Variants in TNNI3K observed in about 807,000 individuals in gnomAD.
TNNI3K encodes serine/threonine-protein kinase TNNI3K.
TNNI3K carries 140 observed loss-of-function variants against 114.5 expected under a neutral mutation model. The ratio of observed to expected loss-of-function variants is 1.22; its 90% CI spans 1.07 to 1.41. The LOEUF (loss-of-function observed/expected upper bound fraction) is 1.41. TNNI3K is among the 40% of genes most tolerant of loss of function. The pLI, the probability that TNNI3K is intolerant of heterozygous loss-of-function variation, is 0.00. For missense variants in TNNI3K, 1,125 were observed against 1,007.6 expected, an observed-to-expected ratio of 1.12 and a Z score of -1.58; for synonymous variants, 347 against 347.5, an observed-to-expected ratio of 1.00 and a Z score of 0.02.
chr1:74,366,386 T>C (rs1169681178), intron 11 of TNNI3K, among the ~76,000 whole-genome samples: 7 of 151,990 alleles, frequency 4.6e-5, no homozygotes, highest in Admixed American at 3.9e-4. Context: ...CATTTGGCAT[T>C]TTTTATCCTT....
chr1:74,456,881 T>A (rs911035779), intron 20 of TNNI3K, among the ~76,000 whole-genome samples: 4 of 152,194 alleles, frequency 2.6e-5, no homozygotes, highest in Non-Finnish European at 4.4e-5. Context: ...CAGACTTTTT[T>A]ATGTCACATA....
intron 23 of TNNI3K, among the ~76,000 whole-genome samples, chr1:74,510,312 C>T (rs1413674499): frequency 2.0e-5 from 3 of 152,122 alleles, no homozygotes; most frequent in African/African-American, 7.2e-5. Flanking sequence ...CGAGACCATC[C>T]TGGCTAACAT....
At chr1:74,393,501 G>C (rs1013363597) in intron 17 of TNNI3K, among the ~76,000 whole-genome samples, 1 of 152,124 alleles carries the variant, frequency 6.6e-6, no homozygotes, top group Non-Finnish European at 1.5e-5. Flanking sequence ...ACCACAAAAG[G>C]ACTAGAAATA....
In TNNI3K at chr1:74,369,572, C is replaced by A; in HGVS notation, c.1654C>A (p.His552Asn). 1 of 1,607,998 alleles carries A rather than the reference C, an allele frequency of 6.2e-7. No homozygotes were observed. The highest frequency in any genetic ancestry group is 2.2e-5 in the East Asian group (1 of 44,792). ...ISGGSLFSLL[H>N]EQKRILDLQS... is the part of the protein sequence containing the mutation. ...AGGGGGTTCTCTGTTCTCCCTCCTTCATGAGCAGAAGAGGTATGGGTCTTT... is the reference window on the plus strand; with the variant it reads ...AGGGGGTTCTCTGTTCTCCCTCCTTAATGAGCAGAAGAGGTATGGGTCTTT... Residue 552 changes from histidine to asparagine, a missense_variant, in exon 16 of 25, where the codon CAT becomes AAT. His to Asn is a moderately conservative substitution (Grantham distance 68). Coordinates refer to ENST00000326637, the MANE Select transcript of TNNI3K (RefSeq NM_015978.3).
At chr1:74,246,400 T>C (rs999487399) in intron 2 of TNNI3K, among the ~76,000 whole-genome samples, 1 of 152,158 alleles carries the variant, frequency 6.6e-6, no homozygotes, top group African/African-American at 2.4e-5. Context: ...TCAAGCTAGG[T>C]AGATTGGATT....
chr1:74,466,579 G>A (rs1169888382), intron 21 of TNNI3K, among the ~76,000 whole-genome samples: 2 of 152,162 alleles, frequency 1.3e-5, no homozygotes, highest in Non-Finnish European at 2.9e-5. Context: ...AAGAGGGGAA[G>A]ATGAAGAAAA....
At chr1:74,384,821 A>G (rs1347206482) in intron 17 of TNNI3K, among the ~76,000 whole-genome samples, 1 of 152,092 alleles carries the variant, frequency 6.6e-6, no homozygotes, top group East Asian at 1.9e-4. Flanking sequence ...TTTCATGTTG[A>G]TGTTCAGCTT....
At chr1:74,496,355 T>C (rs1031839561) in intron 23 of TNNI3K, among the ~76,000 whole-genome samples, 1 of 152,180 alleles carries the variant, frequency 6.6e-6, no homozygotes, top group Non-Finnish European at 1.5e-5. Flanking sequence ...TAACTTCTGA[T>C]CTTTGGATTT....
At chr1:74,272,035 T>C (rs1557465305) in intron 5 of TNNI3K, among the ~76,000 whole-genome samples, 1 of 151,946 alleles carries the variant, frequency 6.6e-6, no homozygotes, top group Non-Finnish European at 1.5e-5. Flanking sequence ...ACTTATAAAA[T>C]AGGAATATTA....
rs1667539765 is a variant in TNNI3K, at chr1:74,463,525, T to G, written c.2096T>G (p.Ile699Arg). Residue 699 changes from isoleucine to arginine, a missense_variant, in exon 21 of 25, where the codon ATA becomes AGA. Coordinates refer to ENST00000326637, the MANE Select transcript of TNNI3K (RefSeq NM_015978.3). ...CCCAAGCCCATATCATCTCTGCTGA[T>G]ACGAGGGTGGAACGCATGTCCTGAA... ...SIPKPISSLL[I>R]RGWNACPEGR... 6.2e-7 allele frequency: 1 copy of G among 1,614,250 alleles called. No homozygotes were observed. The highest frequency in any genetic ancestry group is 8.5e-7 in the Non-Finnish European group (1 of 1,180,042).
At chr1:74,264,314 A>C (rs1265858761) in intron 4 of TNNI3K, among the ~76,000 whole-genome samples, 1 of 151,990 alleles carries the variant, frequency 6.6e-6, no homozygotes, top group Non-Finnish European at 1.5e-5. Context: ...AGTTATTTTC[A>C]TACTGATTAA....
intron 20 of TNNI3K, among the ~76,000 whole-genome samples, chr1:74,448,467 C>G (rs1386684077): frequency 6.9e-6 from 1 of 144,978 alleles, no homozygotes; most frequent in African/African-American, 2.7e-5. Context: ...CTTCTCCTGC[C>G]TAATTGCCCT....
At chr1:74,324,382 G>A (rs182656716) in intron 5 of TNNI3K, among the ~76,000 whole-genome samples, 2 of 152,324 alleles carry the variant, frequency 1.3e-5, no homozygotes, top group East Asian at 1.9e-4. Flanking sequence ...GCTGTCAACT[G>A]CAAACAGTAA....
At chr1:74,358,223 G>A (rs1039679271) in intron 11 of TNNI3K, among the ~76,000 whole-genome samples, 6 of 152,042 alleles carry the variant, frequency 3.9e-5, no homozygotes, top group Non-Finnish European at 8.8e-5. Flanking sequence ...GTAATATACA[G>A]AGGCTCCTAT....
At chr1:74,406,277 C>T (rs1362702676) in intron 17 of TNNI3K, among the ~76,000 whole-genome samples, 6 of 152,186 alleles carry the variant, frequency 3.9e-5, no homozygotes, top group Admixed American at 3.9e-4. Context: ...TGTGGCCCAA[C>T]AAAAATGTGT....
intron 6 of TNNI3K, among the ~76,000 whole-genome samples, chr1:74,332,323 C>T (rs1246669037): frequency 6.7e-6 from 1 of 149,454 alleles, no homozygotes; most frequent in African/African-American, 2.5e-5. Flanking sequence ...TTTTGTGAGA[C>T]GGAGTATTGC....
At chr1:74,522,561 T>G (rs1646448208) in intron 23 of TNNI3K, among the ~76,000 whole-genome samples, 1 of 152,104 alleles carries the variant, frequency 6.6e-6, no homozygotes, top group Non-Finnish European at 1.5e-5. Context: ...AAAAGTAGCA[T>G]GAAAAAGAGA....
chr1:74,470,901 G>A (rs1467132788), intron 21 of TNNI3K: 1 of 400,588 alleles, frequency 2.5e-6, no homozygotes, highest in Admixed American at 4.4e-5. Context: ...TCTGTCCCAT[G>A]TGCTCAGTGG....
chr1:74,439,819 G>A (rs112047919), intron 20 of TNNI3K, among the ~76,000 whole-genome samples, 197 bp downstream of exon 20: 7 of 151,946 alleles, frequency 4.6e-5, no homozygotes, highest in African/African-American at 1.7e-4. Flanking sequence ...TTCAGACCGA[G>A]ACACACAGAA....
Sources: allele counts gnomAD v4.1 joint callset (sites outside exome capture counted in the v4.1 genomes callset), GRCh38; gene constraint gnomAD v4.1.1; transcripts MANE v1.5; gene names NCBI Gene and HGNC (gene_info 2026-07-23, HGNC 2026-07-21).